Variants in VPS13B observed in about 807,000 individuals in gnomAD.
VPS13B encodes intermembrane lipid transfer protein VPS13B.
In VPS13B, 285 loss-of-function variants were observed where a neutral mutation model predicts 426.4. The observed-to-expected ratio is 0.67, with a 90% CI of 0.61 to 0.74. VPS13B has a LOEUF of 0.74. Ranked by LOEUF, VPS13B falls within the 30% of genes least tolerant of loss-of-function variation. The pLI, the probability that VPS13B is intolerant of heterozygous loss-of-function variation, is 0.00. For missense variants in VPS13B, 4,537 were observed against 4,782.6 expected (o/e 0.95, Z 1.51); for synonymous variants, 1,676 against 1,676.4 (o/e 1.00, Z 0.01).
intron 33 of VPS13B, among the ~76,000 whole-genome samples, chr8:99,605,098 C>T (rs1465936843): frequency 6.6e-6 from 1 of 152,102 alleles, no homozygotes; most frequent in African/African-American, 2.4e-5. Flanking sequence ...GTGAGATTTG[C>T]ACTATGTTAT....
rs1191869167 is a variant in VPS13B at position 99,876,113 on chromosome 8, C to G, written c.*447C>G. On this transcript the variant is annotated 3_prime_UTR_variant, in exon 62 of 62. Coordinates refer to ENST00000357162, the MANE Select transcript of VPS13B (RefSeq NM_152564.5). ...TTGGGTCTATTATTAACTCTCTGTT[C>G]CATCATAGAATGTGGCCAGGCCTTA... 5.0e-6 allele frequency: 1 copy of G among 201,062 alleles called. No homozygotes were observed. The highest frequency in any genetic ancestry group is 1.0e-5 in the Non-Finnish European group (1 of 97,472). The allele number at this position is 201,062 out of a possible 1,614,324, so 12.5% of individuals were successfully genotyped here. A position where few individuals can be genotyped will look rare whatever the true frequency, so the allele number is the denominator to read the frequency against.
At chr8:99,692,238 A>G (rs1268320574) in intron 35 of VPS13B, among the ~76,000 whole-genome samples, 1 of 148,362 alleles carries the variant, frequency 6.7e-6, no homozygotes, top group African/African-American at 2.5e-5. Flanking sequence ...AACAGAATAT[A>G]CATTTTTTTC....
At chr8:99,633,020 G>A (rs934761163) in intron 33 of VPS13B, among the ~76,000 whole-genome samples, 18 of 151,946 alleles carry the variant, frequency 1.2e-4, no homozygotes, top group African/African-American at 4.3e-4. Context: ...ATCTGGCAAT[G>A]AAAACCAGCT....
At chr8:99,192,359 C>A (rs889744081) in intron 16 of VPS13B, among the ~76,000 whole-genome samples, 2 of 152,092 alleles carry the variant, frequency 1.3e-5, no homozygotes, top group South Asian at 4.1e-4. Context: ...GATCAGGTTG[C>A]CTGGATTTAA....
At chr8:99,304,859 AAT>A (rs1169530707) in intron 19 of VPS13B, among the ~76,000 whole-genome samples, 2 of 151,974 alleles carry the variant, frequency 1.3e-5, no homozygotes. Context: ...TCCCTTTCAA[AAT>A]ATGTTTTACT....
intron 39 of VPS13B, among the ~76,000 whole-genome samples, chr8:99,741,361 A>G (rs1809714120): frequency 6.6e-6 from 1 of 152,216 alleles, no homozygotes; most frequent in Non-Finnish European, 1.5e-5. Flanking sequence ...TTAGATTCCC[A>G]CACAATAGTA....
chr8:99,064,560 C>G (rs954889318), intron 3 of VPS13B, among the ~76,000 whole-genome samples: 1 of 151,914 alleles, frequency 6.6e-6, no homozygotes, highest in African/African-American at 2.4e-5. Context: ...TTTAGAGAAA[C>G]AAGAGTAAAA....
At position 99,817,907 on chromosome 8, in the gene VPS13B, A is replaced by G; in HGVS notation, c.8361+104A>G. The G allele has an allele frequency of 5.2e-6, 8 of 1,553,112 alleles. No homozygotes were observed. The East Asian group carries it at 1.2e-4, about 23-fold the overall frequency. The stretch of plus-strand genomic sequence containing the variant: ...CTTAATTTATTAAAAAGTGACATAT[A>G]AAAAAGGGGAGTGAAAGGCTTTGAA... On this transcript the variant is annotated intron_variant, in intron 45 of 61. Coordinates refer to ENST00000357162, the MANE Select transcript of VPS13B (RefSeq NM_152564.5).
chr8:99,295,216 C>T (rs1819964242), intron 19 of VPS13B, among the ~76,000 whole-genome samples: 1 of 151,982 alleles, frequency 6.6e-6, no homozygotes, highest in South Asian at 2.1e-4. Flanking sequence ...AGTTTTACAT[C>T]ATTAATATGT....
chr8:99,646,869 C>A (rs941039376), intron 34 of VPS13B, among the ~76,000 whole-genome samples: 2 of 152,064 alleles, frequency 1.3e-5, no homozygotes, highest in African/African-American at 4.8e-5. Context: ...TGCTTTCTGC[C>A]GTGATCATAG....
At chr8:99,755,117 C>G (rs984087879) in intron 39 of VPS13B, among the ~76,000 whole-genome samples, 2 of 152,172 alleles carry the variant, frequency 1.3e-5, no homozygotes, top group Middle Eastern at 3.4e-3. Flanking sequence ...ACTATGCACA[C>G]CCCCAGGGAT....
chr8:99,158,617 GAATTAGGCTA>G (rs1208769358), intron 15 of VPS13B, among the ~76,000 whole-genome samples: 2 of 152,190 alleles, frequency 1.3e-5, no homozygotes, highest in Admixed American at 1.3e-4. Flanking sequence ...AGTGCTTTAA[GAATTAGGCTA>G]AATCTTCACT....
chr8:99,569,422 G>A (rs1446756387), intron 31 of VPS13B, among the ~76,000 whole-genome samples: 3 of 149,442 alleles, frequency 2.0e-5, no homozygotes, highest in Non-Finnish European at 3.0e-5. Flanking sequence ...AAGACAGAGG[G>A]AGACCCTTTC....
chr8:99,139,865 G>A (rs1442198844), intron 12 of VPS13B, among the ~76,000 whole-genome samples: 3 of 149,902 alleles, frequency 2.0e-5, no homozygotes, highest in Non-Finnish European at 4.5e-5. Context: ...AAAAAAAAAA[G>A]CTTTATCTAA....
rs1454564914 is a variant in VPS13B at position 99,570,289 on chromosome 8, CCTTT to C, written c.4950-5362_4950-5359del. 2.0e-5 allele frequency among the ~76,000 whole-genome samples: 3 copies of C among 151,640 alleles called. No individual in the cohort carries two copies. In the East Asian group the frequency reaches 5.8e-4, roughly 29 times the overall value. On this transcript the variant is annotated intron_variant, in intron 31 of 61. Transcript: ENST00000357162. ...TTTTTTCTTTAGTATTTTCTCTTTT[CCTTT>C]CTTTCTGTTCTCTCATTTTGGAATT...
chr8:99,873,116 A>G (rs1311021162), intron 61 of VPS13B: 1 of 152,232 alleles, frequency 6.6e-6, no homozygotes, highest in African/African-American at 2.4e-5. Context: ...TTAAATCTTT[A>G]GTCCTTAATG....
chr8:99,871,092 C>T, intron 60 of VPS13B: 1 of 631,556 alleles, frequency 1.6e-6, no homozygotes, highest in Non-Finnish European at 2.8e-6. Context: ...CACAACTCCT[C>T]TGTTCCGTAC....
chr8:99,778,725 G>A lies in VPS13B; in HGVS notation c.7473G>A (p.Met2491Ile). Residue 2491 changes from methionine to isoleucine, a missense_variant, in exon 42 of 62, where the codon ATG (methionine) becomes ATA (isoleucine). This residue lies in a region of VPS13B where 4,311 missense variants were observed against 4,474.3 expected (regional missense o/e 0.96). Transcript: ENST00000357162. ...YLQPFVSDRN[M>I]PSELEYMIVS... ...AGCCATTTGTTTCCGACAGAAATAT[G>A]CCATCTGAACTAGAATACATGATTG... 6.2e-7 allele frequency: 1 copy of A among 1,613,928 alleles called. No individual in the cohort carries two copies. Among genetic ancestry groups the A allele is most frequent in the Middle Eastern group, 1.6e-4 (1 of 6,062 alleles).
chr8:99,691,022 C>A (rs866199973), intron 35 of VPS13B, among the ~76,000 whole-genome samples: 6 of 152,240 alleles, frequency 3.9e-5, no homozygotes, highest in Middle Eastern at 3.4e-3. Context: ...TAATACTGTT[C>A]AGCCACAAAA....
Sources: allele counts gnomAD v4.1 joint callset (sites outside exome capture counted in the v4.1 genomes callset), GRCh38; gene constraint gnomAD v4.1.1; regional missense constraint gnomAD v4.1.1; transcripts MANE v1.5; gene names NCBI Gene and HGNC (gene_info 2026-07-23, HGNC 2026-07-21).